GRAMD2B: variants seen among roughly 807,000 people sequenced by gnomAD.
GRAMD2B encodes GRAM domain containing 2B.
Under a neutral mutation model 59.2 loss-of-function variants are expected in GRAMD2B, and 41 were observed. That is an observed-to-expected ratio of 0.69 (90% CI 0.54 to 0.90). The LOEUF is 0.90. GRAMD2B is among the 40% of genes least tolerant of loss of function. The pLI is 0.00. For missense variants in GRAMD2B, 424 were observed against 500.5 expected, an observed-to-expected ratio of 0.85 and a Z score of 1.46; for synonymous variants, 161 against 182.7, an observed-to-expected ratio of 0.88 and a Z score of 0.96.
At chr5:126,458,291 C>T (rs1766698605) in intron 1 of GRAMD2B, among the ~76,000 whole-genome samples, 1 of 151,998 alleles carries the variant, frequency 6.6e-6, no homozygotes, top group Admixed American at 6.6e-5. Context: ...AAAAATTAGC[C>T]AGGCATGGTG....
chr5:126,392,195 G>C (rs1267670855), intron 1 of GRAMD2B, among the ~76,000 whole-genome samples: 1 of 152,170 alleles, frequency 6.6e-6, no homozygotes, highest in African/African-American at 2.4e-5. Flanking sequence ...TGCAAGAAAA[G>C]GGGTTGTGTT....
At chr5:126,442,722 C>A (rs1763513404) in intron 1 of GRAMD2B, among the ~76,000 whole-genome samples, 1 of 152,148 alleles carries the variant, frequency 6.6e-6, no homozygotes, top group East Asian at 1.9e-4. Flanking sequence ...GTACCACGTA[C>A]AACTGGTGTC....
chr5:126,449,720 G>T (rs59298192), intron 1 of GRAMD2B, among the ~76,000 whole-genome samples: 10,277 of 152,184 alleles, frequency 0.068, 1,177 homozygotes, highest in African/African-American at 0.23. Flanking sequence ...ATCCTGAGCT[G>T]TAATAATACT....
intron 1 of GRAMD2B, among the ~76,000 whole-genome samples, chr5:126,364,339 A>C (rs1286369568): frequency 6.6e-6 from 1 of 152,224 alleles, no homozygotes; most frequent in Non-Finnish European, 1.5e-5. Context: ...AATTCCTGAA[A>C]TTCAGAAAAT....
chr5:126,395,347 A>G (rs940757872), intron 1 of GRAMD2B, among the ~76,000 whole-genome samples: 2 of 152,188 alleles, frequency 1.3e-5, no homozygotes, highest in Non-Finnish European at 2.9e-5. Context: ...CTTTAATCTG[A>G]ATTAAACAAC....
At chr5:126,415,744 A>T (rs1011911157) in intron 1 of GRAMD2B, among the ~76,000 whole-genome samples, 1 of 152,190 alleles carries the variant, frequency 6.6e-6, no homozygotes, top group Admixed American at 6.5e-5. Flanking sequence ...AATGATTTTT[A>T]AAAATGAATA....
chr5:126,387,349 C>T (rs1169656525), intron 1 of GRAMD2B, among the ~76,000 whole-genome samples: 1 of 151,434 alleles, frequency 6.6e-6, no homozygotes, highest in Non-Finnish European at 1.5e-5. Context: ...TTTTTCCCAA[C>T]ATTGCTACTG....
chr5:126,467,926 A>G (rs982926160), intron 2 of GRAMD2B, among the ~76,000 whole-genome samples: 5 of 152,234 alleles, frequency 3.3e-5, no homozygotes, highest in South Asian at 2.1e-4. Context: ...AAACCAGAGC[A>G]TAATTCTCTA....
intron 1 of GRAMD2B, among the ~76,000 whole-genome samples, chr5:126,385,257 A>G (rs1328188400): frequency 6.6e-6 from 1 of 152,208 alleles, no homozygotes; most frequent in Non-Finnish European, 1.5e-5. Flanking sequence ...ACTACTCCAC[A>G]GGGATTTATT....
At chr5:126,384,893 G>A (rs908780124) in intron 1 of GRAMD2B, among the ~76,000 whole-genome samples, 1 of 152,126 alleles carries the variant, frequency 6.6e-6, no homozygotes, top group Admixed American at 6.5e-5. Context: ...TTTATCTTCG[G>A]TATAACATTC....
At chr5:126,455,888 A>T (rs1431290354) in intron 1 of GRAMD2B, among the ~76,000 whole-genome samples, 1 of 152,178 alleles carries the variant, frequency 6.6e-6, no homozygotes, top group East Asian at 1.9e-4. Context: ...TGAATTCCTT[A>T]GACACCTTCT....
chr5:126,383,455 C>A (rs1755832884), intron 1 of GRAMD2B, among the ~76,000 whole-genome samples: 1 of 152,160 alleles, frequency 6.6e-6, no homozygotes, highest in African/African-American at 2.4e-5. Context: ...ATATATAGCC[C>A]AGCAGTAACA....
intron 1 of GRAMD2B, among the ~76,000 whole-genome samples, chr5:126,383,845 A>G (rs1755869662): frequency 6.6e-6 from 1 of 152,170 alleles, no homozygotes; most frequent in Admixed American, 6.5e-5. Flanking sequence ...AGAGCCCCAG[A>G]GCATATAAAG....
chr5:126,407,963 C>A (rs1304753870), intron 1 of GRAMD2B, among the ~76,000 whole-genome samples: 1 of 151,070 alleles, frequency 6.6e-6, no homozygotes, highest in Non-Finnish European at 1.5e-5. Flanking sequence ...TTAATTTCAA[C>A]TTTTATTTTA....
intron 1 of GRAMD2B, among the ~76,000 whole-genome samples, chr5:126,416,628 G>C (rs1036003128): frequency 3.3e-5 from 5 of 152,112 alleles, no homozygotes; most frequent in Non-Finnish European, 5.9e-5. Context: ...TCCTTCTCCC[G>C]CCAACCTTCT....
At chr5:126,447,713 A>G (rs1258100535) in intron 1 of GRAMD2B, among the ~76,000 whole-genome samples, 1 of 151,808 alleles carries the variant, frequency 6.6e-6, no homozygotes, top group Non-Finnish European at 1.5e-5. Flanking sequence ...CCTGGCCTTT[A>G]GAGCTGATTT....
At chr5:126,454,214 G>A (rs1346210477) in intron 1 of GRAMD2B, among the ~76,000 whole-genome samples, 1 of 152,204 alleles carries the variant, frequency 6.6e-6, no homozygotes, top group Non-Finnish European at 1.5e-5. Context: ...CTCGTGTCCA[G>A]ATGCCTCGAT....
chr5:126,423,363 A>T, upstream of GRAMD2B: 1 of 1,328,644 alleles, frequency 7.5e-7, no homozygotes, highest in Non-Finnish European at 9.6e-7. Context: ...CTTCGCTTCG[A>T]CCCTCCCCTT....
chr5:126,368,105 C>T (rs997604006), upstream of GRAMD2B, among the ~76,000 whole-genome samples: 9 of 148,324 alleles, frequency 6.1e-5, no homozygotes, highest in Non-Finnish European at 1.0e-4. Flanking sequence ...AAAAGAGTCT[C>T]TGTGATTTTT....
Sources: gnomAD v4.1 joint callset for allele counts (sites outside exome capture counted in the v4.1 genomes callset) on GRCh38, gnomAD v4.1.1 for gene constraint, MANE v1.5 for transcripts, NCBI Gene and HGNC (gene_info 2026-07-23, HGNC 2026-07-21) for gene names.